Variants in DNAH17 observed in about 807,000 individuals in gnomAD.
The protein encoded by DNAH17 is dynein axonemal heavy chain 17.
Under a neutral mutation model 485.6 loss-of-function variants are expected in DNAH17, and 376 were observed. The ratio of observed to expected loss-of-function variants is 0.77; its 90% confidence interval spans 0.71 to 0.84. DNAH17 has a LOEUF of 0.84. Among genes scored for constraint, DNAH17 ranks in the 40% least tolerant of loss-of-function variants. DNAH17 has a pLI of 0.00. For synonymous variants in DNAH17, 3,031 were observed against 2,405.9 expected (o/e 1.26, Z -7.60); for missense variants, 6,370 against 5,839.3 (o/e 1.09, Z -2.96).
At chr17:78,567,269 A>G in intron 9 of DNAH17, 103 bp from the exon 10 acceptor site, 1 of 1,292,486 alleles carries the variant, frequency 7.7e-7, no homozygotes, top group Non-Finnish European at 1.1e-6. Context: ...TGGGGAGCAA[A>G]ATGTCCCCAG....
intron 25 of DNAH17, among the ~76,000 whole-genome samples, chr17:78,519,115 C>T (rs2090867260): frequency 7.3e-6 from 1 of 137,242 alleles, no homozygotes; most frequent in Non-Finnish European, 1.5e-5. Flanking sequence ...TTACAGTGAG[C>T]CAAGATAGCG....
intron 53 of DNAH17, 27 bp from the exon 54 acceptor site, chr17:78,475,496 C>T (rs1312936157): frequency 3.7e-6 from 6 of 1,612,914 alleles, no homozygotes; most frequent in Non-Finnish European, 5.1e-6. Context: ...GATCCCACAA[C>T]ATCTTGTAGC....
In DNAH17 at chr17:78,526,636, C is replaced by A; in HGVS notation, c.3711+15G>T. 1 of 1,587,222 alleles carries A rather than the reference C, an allele frequency of 6.3e-7. No homozygotes were observed. Among genetic ancestry groups the A allele is most frequent in the Non-Finnish European group, 8.6e-7 (1 of 1,163,590 alleles). ...CCCAGACTTACCCCCTGATCTCACC[C>A]TTGAGCAAAAATACCTTATTCAGGG... On this transcript the variant is annotated intron_variant, in intron 24 of 80. Coordinates refer to ENST00000389840, the MANE Select transcript of DNAH17 (RefSeq NM_173628.4).
Position 78,552,738 on chromosome 17 carries a change from T to C in DNAH17, c.2246A>G (p.Lys749Arg). 6.2e-7 allele frequency: 1 copy of C among 1,613,978 alleles called. No homozygotes were observed. Among genetic ancestry groups the C allele is most frequent in the Non-Finnish European group, 8.5e-7 (1 of 1,179,858 alleles). ...TAATGTCGTTTCAGCGCTCAATAAC[T>C]TGACATCAATTGCTTCCAGTTCTGA... ...IKSELEAIDV[K>R]LLSAETTLFW... Residue 749 changes from lysine to arginine, a missense_variant, in exon 15 of 81, where the codon AAG (lysine) becomes AGG (arginine). Physicochemically the swap from Lys to Arg is conservative, Grantham distance 26. Transcript: ENST00000389840.
At position 78,486,359 on chromosome 17, in the gene DNAH17, G is replaced by A. The variant is rs1468503160; in HGVS notation, c.6966C>T (p.Ile2322=). ...KITPVPEITV[I]QTILYLLECL... ...ACTCCAGCAGGTACAGAATCGTTTG[G>A]ATCACCGTGATCTCCGGCACTGGCG... The change falls in exon 45 of 81, where the codon ATC becomes ATT. Residue 2322 remains isoleucine, a synonymous_variant. Coordinates refer to ENST00000389840, the MANE Select transcript of DNAH17 (RefSeq NM_173628.4). The A allele has an allele frequency of 3.1e-6, 5 of 1,613,880 alleles. No homozygotes were observed. Among genetic ancestry groups the A allele is most frequent in the South Asian group, 1.1e-5 (1 of 91,080 alleles).
chr17:78,514,432 G>A (rs899550802), intron 26 of DNAH17, among the ~76,000 whole-genome samples: 4 of 149,602 alleles, frequency 2.7e-5, no homozygotes, highest in African/African-American at 9.9e-5. Flanking sequence ...TTGAACCTGG[G>A]AGGCGGAGGT....
intron 34 of DNAH17, 36 bp from the exon 35 acceptor site, chr17:78,501,380 A>G: frequency 1.3e-6 from 2 of 1,563,974 alleles, no homozygotes; most frequent in African/African-American, 1.3e-5. Context: ...TGCCAGGTGG[A>G]ATACAAGAGC....
intron 54 of DNAH17, among the ~76,000 whole-genome samples, chr17:78,469,308 A>AT (rs2088639236): frequency 6.6e-6 from 1 of 152,068 alleles, no homozygotes; most frequent in Admixed American, 6.6e-5. Context: ...CGCCTGGCTA[A>AT]TTTTTTGTAT....
intron 75 of DNAH17, among the ~76,000 whole-genome samples, chr17:78,431,656 A>G (rs1568041768): frequency 6.6e-6 from 1 of 152,152 alleles, no homozygotes; most frequent in Non-Finnish European, 1.5e-5. Flanking sequence ...CTCAGCGTGT[A>G]GCATGACCTG....
At chr17:78,485,907 C>T (rs904995715) in intron 46 of DNAH17, 53 bp downstream of exon 46, 15 of 1,594,066 alleles carry the variant, frequency 9.4e-6, no homozygotes, top group Admixed American at 3.4e-5. Flanking sequence ...GGGTACTGCA[C>T]CGATTCCTGC....
intron 13 of DNAH17, 64 bp downstream of exon 13, chr17:78,560,676 C>T (rs771934569): frequency 8.8e-6 from 13 of 1,473,548 alleles, no homozygotes; most frequent in Admixed American, 4.5e-5. Context: ...GCTGAGGGAA[C>T]CTTGGCAGGC....
chr17:78,502,546 T>C (rs915438966), intron 33 of DNAH17, 45 bp downstream of exon 33: 1 of 1,560,596 alleles, frequency 6.4e-7, no homozygotes, highest in Non-Finnish European at 8.7e-7. Flanking sequence ...ACCTGCTTTT[T>C]AAACAAGTTT....
chr17:78,448,910 T>C (rs971519133), intron 69 of DNAH17, among the ~76,000 whole-genome samples: 1 of 152,238 alleles, frequency 6.6e-6, no homozygotes, highest in African/African-American at 2.4e-5. Flanking sequence ...CTATTGTTTA[T>C]AGATTACTCA....
chr17:78,565,682 G>T (rs2092252505), intron 11 of DNAH17, among the ~76,000 whole-genome samples: 1 of 152,166 alleles, frequency 6.6e-6, no homozygotes, highest in Admixed American at 6.5e-5. Context: ...GGCCAGGCGT[G>T]GTAGCTCACG....
chr17:78,526,187 G>C (rs1420322584), intron 24 of DNAH17, among the ~76,000 whole-genome samples: 1 of 152,230 alleles, frequency 6.6e-6, no homozygotes, highest in Non-Finnish European at 1.5e-5. Context: ...TTGGACAGTG[G>C]GAACAGAGTG....
Position 78,569,372 on chromosome 17 carries a change from T to C in DNAH17, c.1197+3A>G. ...TGGCCCTCGCCCTGCGAGGAAGGGG[T>C]ACCTTAAAGAAAAGCTTCATGTTCA... On this transcript the variant is annotated splice_donor_region_variant and intron_variant, in intron 8 of 80. Transcript: ENST00000389840. The C allele has an allele frequency of 6.2e-7, 1 of 1,612,602 alleles. No homozygotes were observed. The highest frequency in any genetic ancestry group is 8.5e-7 in the Non-Finnish European group (1 of 1,179,290).
chr17:78,544,437 C>T (rs189466381), intron 16 of DNAH17, among the ~76,000 whole-genome samples: 1 of 152,130 alleles, frequency 6.6e-6, no homozygotes, highest in South Asian at 2.1e-4. Context: ...GATCTGCCGA[C>T]AAGGGTGGGA....
At position 78,500,299 on chromosome 17, in the gene DNAH17, G is replaced by A. The variant is rs374795613; in HGVS notation, c.5640+6C>T. ...TGGGTCCCTCCTCCGGACCCCGGCC[G>A]CGTACCTTGTAGTCCATCTGCTCGG... On this transcript the variant is annotated splice_donor_region_variant and intron_variant, in intron 36 of 80. Transcript: ENST00000389840. 27 of 1,608,332 alleles carry A rather than the reference G, an allele frequency of 1.7e-5. No homozygotes were observed. Among genetic ancestry groups the A allele is most frequent in the Admixed American group, 3.4e-5 (2 of 59,128 alleles).
chr17:78,495,855 C>T lies in DNAH17; in HGVS notation c.5903+20G>A. On this transcript the variant is annotated intron_variant, in intron 38 of 80. Coordinates refer to ENST00000389840, the MANE Select transcript of DNAH17 (RefSeq NM_173628.4). Reference sequence around the variant, plus strand: ...CGGCCTGGCTCACTGCAGCCACTCACTTTCACCTGGGCCACGTACCTGAAT... The same window carrying T: ...CGGCCTGGCTCACTGCAGCCACTCATTTTCACCTGGGCCACGTACCTGAAT... The T allele has an allele frequency of 6.2e-7, 1 of 1,606,134 alleles. No homozygotes were observed. Among genetic ancestry groups the T allele is most frequent in the African/African-American group, 1.3e-5 (1 of 74,908 alleles).
Sources: gnomAD v4.1 joint callset for allele counts (sites outside exome capture counted in the v4.1 genomes callset) on GRCh38, gnomAD v4.1.1 for gene constraint, MANE v1.5 for transcripts, NCBI Gene and HGNC (gene_info 2026-07-23, HGNC 2026-07-21) for gene names.